Variants in RINT1 observed in about 807,000 individuals in gnomAD.
RINT1 encodes the protein RAD50-interacting protein 1.
RINT1 carries 75 observed loss-of-function variants against 97.7 expected under a neutral mutation model. The observed-to-expected ratio is 0.77, with a 90% CI of 0.64 to 0.93. RINT1 has a LOEUF of 0.93. Ranked by LOEUF, RINT1 falls within the 40% of genes least tolerant of loss-of-function variation. The probability of loss-of-function intolerance (pLI) is 0.00; values close to 1 mark genes in which losing one functional copy is unlikely to be tolerated. For missense variants in RINT1, 892 were observed against 925.2 expected, an observed-to-expected ratio of 0.96 and a Z score of 0.47; for synonymous variants, 303 against 326.3, an observed-to-expected ratio of 0.93 and a Z score of 0.77.
intron 3 of RINT1, 105 bp downstream of exon 3, chr7:105,536,854 A>G (rs1790257378): frequency 1.6e-6 from 1 of 621,892 alleles, no homozygotes; most frequent in African/African-American, 1.9e-5. Context: ...AGAACGTGAC[A>G]AATAGTCTAT....
At position 105,567,243 on chromosome 7, in the gene RINT1, A is replaced by T; in HGVS notation, c.2311A>T (p.Lys771Ter). Reference protein sequence around the residue: ...TAALNEVGIYKLAQQDVEILL... With the variant: ...TAALNEVGIY ...AGCATTAAATGAAGTTGGAATTTAC[A>T]AACTGGCTCAACAAGATGTTGAGAT... The change falls in exon 15 of 15, where the codon AAA becomes TAA. Residue 771 changes from lysine to a stop codon, truncating the protein, a stop_gained. Coordinates refer to ENST00000257700, the MANE Select transcript of RINT1 (RefSeq NM_021930.6). LOFTEE classifies it high-confidence loss of function. The T allele has an allele frequency of 6.2e-7, 1 of 1,613,674 alleles. No individual in the cohort carries two copies.
intron 11 of RINT1, among the ~76,000 whole-genome samples, chr7:105,556,097 G>T (rs565233578): frequency 1.4e-5 from 2 of 147,758 alleles, no homozygotes; most frequent in African/African-American, 5.0e-5. Flanking sequence ...ACAGAGTTTC[G>T]CTCTTGTTGC....
chr7:105,564,993 T>A (rs186991449), intron 12 of RINT1: 2 of 260,720 alleles, frequency 7.7e-6, no homozygotes, highest in East Asian at 1.5e-4. Flanking sequence ...ATAAATAAAA[T>A]GCAAAAATTA....
rs2133495282 is a variant in RINT1, at chr7:105,567,116, C to T, written c.2187-3C>T. The stretch of plus-strand genomic sequence containing the variant: ...ATTTCCCTCCTTTGTTTTCCCTAAA[C>T]AGTATAAAAGAAGCCTGTATTGTTT... On this transcript the variant is annotated splice_region_variant and splice_polypyrimidine_tract_variant and intron_variant, in intron 14 of 14. Transcript: ENST00000257700. The T allele has an allele frequency of 6.6e-7, 1 of 1,523,528 alleles. No homozygotes were observed. Among genetic ancestry groups the T allele is most frequent in the Non-Finnish European group, 8.8e-7 (1 of 1,139,158 alleles). 94.4% of individuals were successfully genotyped at this position (1,523,528 alleles called of 1,614,324 possible). A position where few individuals can be genotyped will look rare whatever the true frequency, so the allele number is the denominator to read the frequency against.
chr7:105,533,449 A>T (rs887399417), intron 2 of RINT1, among the ~76,000 whole-genome samples: 6 of 152,102 alleles, frequency 3.9e-5, no homozygotes, highest in African/African-American at 1.4e-4. Context: ...TTTTACTTTG[A>T]TGGCAGGTTA....
chr7:105,533,734 C>T (rs1184640270), intron 2 of RINT1, among the ~76,000 whole-genome samples: 2 of 152,190 alleles, frequency 1.3e-5, no homozygotes, highest in African/African-American at 4.8e-5. Context: ...CACATCTCAG[C>T]TCCTTTTTCT....
intron 2 of RINT1, 23 bp downstream of exon 2, chr7:105,532,892 A>T: frequency 1.2e-6 from 2 of 1,613,256 alleles, no homozygotes; most frequent in Non-Finnish European, 1.7e-6. Flanking sequence ...CAAACACCTT[A>T]GCTTTTTCTT....
At chr7:105,535,140 A>G (rs978328290) in intron 2 of RINT1, among the ~76,000 whole-genome samples, 10 of 151,728 alleles carry the variant, frequency 6.6e-5, no homozygotes, top group African/African-American at 2.4e-4. Context: ...ATTTTTTCCT[A>G]GTAATTTGTT....
At chr7:105,534,799 A>G (rs918722110) in intron 2 of RINT1, among the ~76,000 whole-genome samples, 1 of 152,072 alleles carries the variant, frequency 6.6e-6, no homozygotes. Context: ...AAAGGTCAGT[A>G]CCACCTCCTG....
Position 105,567,426 on chromosome 7 carries a change from T to G in RINT1, c.*115T>G, listed in dbSNP as rs375594864. ...ATGAAACTGGAAAACTTTATAGAAT[T>G]ACTTATTATCTTGGATTTATGGTGT... On this transcript the variant is annotated 3_prime_UTR_variant, in exon 15 of 15. Transcript: ENST00000257700. 2 of 771,804 alleles carry G rather than the reference T, an allele frequency of 2.6e-6. No homozygotes were observed. Among genetic ancestry groups the G allele is most frequent in the South Asian group, 3.0e-5 (2 of 66,728 alleles). 47.8% of individuals were successfully genotyped at this position (771,804 alleles called of 1,614,324 possible).
rs79256807 is a variant in RINT1, at chr7:105,552,347, G to A, written c.1471+640G>A. Among the ~76,000 whole-genome samples, 27 of 152,252 alleles carry A rather than the reference G, an allele frequency of 1.8e-4. No homozygotes were observed. In the East Asian group the frequency reaches 4.8e-3, roughly 27 times the overall value. On this transcript the variant is annotated intron_variant, in intron 10 of 14. Transcript: ENST00000257700. ...GTGATTGGCCTATATTTTAAATATT[G>A]TCTTGATCTTGATTTATCAAAGATT...
rs375178978 is a variant in RINT1, at chr7:105,564,338, C to T, written c.1886+391C>T. ...CTGACCTCAGGCAAGCCACCTGCCT[C>T]GGCCTCCCAAAGTGCTAGGATTACA... On this transcript the variant is annotated intron_variant, in intron 12 of 14. Transcript: ENST00000257700. Among the ~76,000 whole-genome samples the T allele has an allele frequency of 1.4e-4, 21 of 152,268 alleles. No homozygotes were observed. In the East Asian group the frequency reaches 2.7e-3, roughly 20 times the overall value.
At position 105,542,474 on chromosome 7, in the gene RINT1, A is replaced by C. The variant is rs751130201; in HGVS notation, c.340A>C (p.Lys114Gln). The change falls in exon 4 of 15, where the codon AAG becomes CAG. Residue 114 changes from lysine to glutamine, a missense_variant. By Grantham distance (53) the Lys-to-Gln change is moderately conservative. Coordinates refer to ENST00000257700, the MANE Select transcript of RINT1 (RefSeq NM_021930.6). Reference protein sequence around the residue: ...RSALKNAEESKQFLNQFLEQE... With the variant: ...RSALKNAEESQQFLNQFLEQE... ...TGCCTTAAAAAATGCAGAAGAATCAAAGCAATTTCTTAATCAGTTTCTGGA... is the reference window on the plus strand; with the variant it reads ...TGCCTTAAAAAATGCAGAAGAATCACAGCAATTTCTTAATCAGTTTCTGGA... 1.2e-6 allele frequency: 2 copies of C among 1,613,778 alleles called. No individual in the cohort carries two copies. The highest frequency in any genetic ancestry group is 2.7e-5 in the African/African-American group (2 of 74,944).
At chr7:105,566,795 T>C (rs1791772086) in intron 14 of RINT1, 1 of 167,942 alleles carries the variant, frequency 6.0e-6, no homozygotes, top group African/African-American at 2.4e-5. Flanking sequence ...ATTTATCTCT[T>C]ATTTTTGTCT....
chr7:105,536,521 A>G (rs1790241734), intron 2 of RINT1, 44 bp from the exon 3 acceptor site: 3 of 1,362,594 alleles, frequency 2.2e-6, no homozygotes, highest in East Asian at 4.7e-5. Context: ...CTTTAACTCC[A>G]TAGTACTTAG....
chr7:105,547,796 C>T (rs1790737738), intron 6 of RINT1, among the ~76,000 whole-genome samples: 1 of 144,008 alleles, frequency 6.9e-6, no homozygotes, highest in Admixed American at 7.3e-5. Flanking sequence ...CTCATGATCT[C>T]GGCTCACCAC....
At position 105,565,563 on chromosome 7, in the gene RINT1, G is replaced by A. The variant is rs755107934; in HGVS notation, c.2101G>A (p.Ala701Thr). 2.5e-6 allele frequency: 4 copies of A among 1,613,918 alleles called. No homozygotes were observed. Among genetic ancestry groups the A allele is most frequent in the Non-Finnish European group, 3.4e-6 (4 of 1,179,842 alleles). ...ILANHFNEGG[A>T]AQLQFDMTRN... ...TGCTAATCACTTCAATGAAGGAGGA[G>A]CAGCCCAGCTGCAGTTTGATATGAC... Residue 701 changes from alanine to threonine, a missense_variant, in exon 14 of 15, where the codon GCA becomes ACA. Physicochemically the swap from Ala to Thr is moderately conservative, Grantham distance 58. Transcript: ENST00000257700.
chr7:105,551,323 G>A (rs973430429), intron 9 of RINT1, among the ~76,000 whole-genome samples: 4 of 152,170 alleles, frequency 2.6e-5, no homozygotes, highest in Admixed American at 6.5e-5. Flanking sequence ...GTGAGCCACC[G>A]TGCCTGGCCA....
chr7:105,538,142 G>T (rs1187524393), intron 3 of RINT1, among the ~76,000 whole-genome samples: 1 of 151,662 alleles, frequency 6.6e-6, no homozygotes, highest in African/African-American at 2.4e-5. Context: ...ACAGGCACGC[G>T]ACACCACGCC....
Sources: allele counts gnomAD v4.1 joint callset (sites outside exome capture counted in the v4.1 genomes callset), GRCh38; gene constraint gnomAD v4.1.1; transcripts MANE v1.5; gene names NCBI Gene and HGNC (gene_info 2026-07-23, HGNC 2026-07-21).